ARHGEF17: variants seen among roughly 807,000 people sequenced by gnomAD.
The protein encoded by ARHGEF17 is Rho guanine nucleotide exchange factor 17.
ARHGEF17 carries 80 observed loss-of-function variants against 174.0 expected under a neutral mutation model. The ratio of observed to expected loss-of-function variants is 0.46; its 90% CI spans 0.38 to 0.55. The LOEUF is 0.55. Among genes scored for constraint, ARHGEF17 ranks in the 20% least tolerant of loss-of-function variants. ARHGEF17 has a pLI of 0.00. For synonymous variants in ARHGEF17, 1,311 were observed against 1,189.1 expected (o/e 1.10, Z -2.11); for missense variants, 2,886 against 2,839.7 (o/e 1.02, Z -0.37).
At chr11:73,317,088 T>A (rs1178154117) in intron 1 of ARHGEF17, among the ~76,000 whole-genome samples, 1 of 151,964 alleles carries the variant, frequency 6.6e-6, no homozygotes, top group Admixed American at 6.5e-5. Context: ...GTTTGAAAAG[T>A]CCCCAGGGTG....
chr11:73,366,877 T>TA (rs1224931107), intron 20 of ARHGEF17, among the ~76,000 whole-genome samples: 4 of 151,982 alleles, frequency 2.6e-5, no homozygotes, highest in Non-Finnish European at 4.4e-5. Flanking sequence ...CCATCTCTAC[T>TA]AAAAATACAA....
In ARHGEF17 at chr11:73,360,531, T is replaced by C; in HGVS notation, c.4418T>C (p.Leu1473Pro). ...GCCTTCGATGAGGCCAAGAGGAAGC[T>C]GGGTAAGCCAAGGCACATGTTGGCC... The part of the protein sequence containing the change: ...EQAFDEAKRK[L>P]ASSKSCLDPE... The change falls in exon 11 of 21, where the codon CTG (leucine) becomes CCG (proline). Residue 1473 changes from leucine to proline, a missense_variant and splice_region_variant. By Grantham distance (98) the Leu-to-Pro change is moderately conservative. Around this residue, in one of 4 missense-constraint regions of ARHGEF17, gnomAD observed 476 missense variants for 473.1 expected, o/e 1.01. Coordinates refer to ENST00000263674, the MANE Select transcript of ARHGEF17 (RefSeq NM_014786.4). 1 of 1,613,796 alleles carries C rather than the reference T, an allele frequency of 6.2e-7. No homozygotes were observed. Among genetic ancestry groups the C allele is most frequent in the Non-Finnish European group, 8.5e-7 (1 of 1,180,040 alleles).
chr11:73,319,748 C>T (rs1864985913), intron 1 of ARHGEF17, among the ~76,000 whole-genome samples: 1 of 152,224 alleles, frequency 6.6e-6, no homozygotes, highest in Non-Finnish European at 1.5e-5. Context: ...ACGGGGAAAA[C>T]TTGGACACCA....
chr11:73,326,852 C>T (rs1188920347), intron 1 of ARHGEF17, among the ~76,000 whole-genome samples: 2 of 152,222 alleles, frequency 1.3e-5, no homozygotes, highest in Admixed American at 1.3e-4. Flanking sequence ...ATGTCTGCCC[C>T]CTGGACCACA....
chr11:73,333,579 G>A (rs966754700), intron 1 of ARHGEF17, among the ~76,000 whole-genome samples: 3 of 152,238 alleles, frequency 2.0e-5, no homozygotes, highest in Admixed American at 6.5e-5. Flanking sequence ...CTTGCCTGGT[G>A]TGATGGGAGG....
At chr11:73,333,534 T>A (rs1380033003) in intron 1 of ARHGEF17, among the ~76,000 whole-genome samples, 1 of 152,194 alleles carries the variant, frequency 6.6e-6, no homozygotes, top group African/African-American at 2.4e-5. Flanking sequence ...TGAACGGGCA[T>A]GGTCACTGCC....
Position 73,308,371 on chromosome 11 carries a change from T to TGCCCCTGGTCGCTCCAGCCGCGGC in ARHGEF17, c.-266_-243dup, listed in dbSNP as rs1329012204. The TGCCCCTGGTCGCTCCAGCCGCGGC allele has an allele frequency of 8.2e-6, 3 of 366,412 alleles. No individual in the cohort carries two copies. Among genetic ancestry groups the TGCCCCTGGTCGCTCCAGCCGCGGC allele is most frequent in the African/African-American group, 2.1e-5 (1 of 47,660 alleles). 22.7% of individuals were successfully genotyped at this position (366,412 alleles called of 1,614,324 possible). A position where few individuals can be genotyped will look rare whatever the true frequency, so the allele number is the denominator to read the frequency against. On this transcript the variant is annotated 5_prime_UTR_variant, in exon 1 of 21. Coordinates refer to ENST00000263674, the MANE Select transcript of ARHGEF17 (RefSeq NM_014786.4). Reference sequence around the variant, plus strand: ...GGATCCCGCCCAGGCGGTGCCGCGGTGCCCCTGGTCGCTCCAGCCGCGGCG... The same window carrying TGCCCCTGGTCGCTCCAGCCGCGGC: ...GGATCCCGCCCAGGCGGTGCCGCGGTGCCCCTGGTCGCTCCAGCCGCGGCGCCCCTGGTCGCTCCAGCCGCGGCG...
chr11:73,352,685 CTTGGTCT>C, intron 2 of ARHGEF17, 138 bp from the exon 3 acceptor site: 2 of 807,456 alleles, frequency 2.5e-6, no homozygotes, highest in Non-Finnish European at 2.0e-6. Flanking sequence ...TCCTGGAGCT[CTTGGTCT>C]CATGAGGGAG....
At chr11:73,334,826 C>A (rs924150155) in intron 1 of ARHGEF17, among the ~76,000 whole-genome samples, 1 of 152,112 alleles carries the variant, frequency 6.6e-6, no homozygotes, top group Non-Finnish European at 1.5e-5. Flanking sequence ...GGATAACTTC[C>A]GTTCCCACGA....
Position 73,367,870 on chromosome 11 carries a change from T to G in ARHGEF17, c.*90T>G. ...CCCACACGCAGACTTTGACCAGGAG[T>G]ATCCAGCCAGGGGCACACATGTGCC... On this transcript the variant is annotated 3_prime_UTR_variant, in exon 21 of 21. Coordinates refer to ENST00000263674, the MANE Select transcript of ARHGEF17 (RefSeq NM_014786.4). The G allele has an allele frequency of 7.2e-7, 1 of 1,387,272 alleles. No homozygotes were observed. The highest frequency in any genetic ancestry group is 9.8e-7 in the Non-Finnish European group (1 of 1,018,600). 85.9% of individuals were successfully genotyped at this position (1,387,272 alleles called of 1,614,324 possible).
chr11:73,364,076 G>T, intron 16 of ARHGEF17, 96 bp from the exon 17 acceptor site: 2 of 1,331,934 alleles, frequency 1.5e-6, no homozygotes, highest in South Asian at 1.3e-5. Flanking sequence ...GTGGCCTCTC[G>T]GGAGCCATAC....
chr11:73,339,986 G>A (rs1312672887), intron 1 of ARHGEF17, among the ~76,000 whole-genome samples: 1 of 152,130 alleles, frequency 6.6e-6, no homozygotes, highest in African/African-American at 2.4e-5. Flanking sequence ...ATACCCCAAA[G>A]GAGATAAAAT....
Position 73,363,233 on chromosome 11 carries a change from C to A in ARHGEF17, c.5024C>A (p.Ala1675Asp). 6.3e-7 allele frequency: 1 copy of A among 1,589,706 alleles called. No homozygotes were observed. Among genetic ancestry groups the A allele is most frequent in the Non-Finnish European group, 8.6e-7 (1 of 1,165,040 alleles). The change falls in exon 15 of 21, where the codon GCC becomes GAC. Residue 1675 changes from alanine to aspartate, a missense_variant. Physicochemically the swap from Ala to Asp is moderately radical, Grantham distance 126. This residue lies in a region of ARHGEF17 where 476 missense variants were observed against 473.1 expected (regional missense o/e 1.01). Coordinates refer to ENST00000263674, the MANE Select transcript of ARHGEF17 (RefSeq NM_014786.4). ...GAGGAGACCCCGAGTTCCAAGGAGG[C>A]CACGGCAGAGACCACCAGCTCAGAG... ...GNEETPSSKE[A>D]TAETTSSEEE...
In ARHGEF17 at chr11:73,360,330, A is replaced by G. The variant is rs373785646; in HGVS notation, c.4217A>G (p.Asp1406Gly). The stretch of plus-strand genomic sequence containing the variant: ...CCCTCTTCCCCACAGAGCCTGGACG[A>G]TGCACTGCGGGACCTCTCAGCTGCC... ...SLGFPHQSLD[D>G]ALRDLSAAMH... Residue 1406 changes from aspartate to glycine, a missense_variant, in exon 11 of 21, where the codon GAT becomes GGT. Coordinates refer to ENST00000263674, the MANE Select transcript of ARHGEF17 (RefSeq NM_014786.4). The G allele has an allele frequency of 6.2e-7, 1 of 1,613,548 alleles. No homozygotes were observed. Among genetic ancestry groups the G allele is most frequent in the Non-Finnish European group, 8.5e-7 (1 of 1,180,048 alleles).
Position 73,363,243 on chromosome 11 carries a change from G to C in ARHGEF17, c.5034G>C (p.Glu1678Asp). ...CGAGTTCCAAGGAGGCCACGGCAGA[G>C]ACCACCAGCTCAGAGGAGGAGCAGG... ...ETPSSKEATAETTSSEEEQEP... is the reference protein window; with the variant it reads ...ETPSSKEATADTTSSEEEQEP... The change falls in exon 15 of 21, where the codon GAG becomes GAC. Residue 1678 changes from glutamate to aspartate, a missense_variant. Coordinates refer to ENST00000263674, the MANE Select transcript of ARHGEF17 (RefSeq NM_014786.4). 6.3e-7 allele frequency: 1 copy of C among 1,597,864 alleles called. No individual in the cohort carries two copies. Among genetic ancestry groups the C allele is most frequent in the Non-Finnish European group, 8.6e-7 (1 of 1,169,390 alleles).
Position 73,367,614 on chromosome 11 carries a change from G to A in ARHGEF17, c.6026G>A (p.Arg2009Gln), listed in dbSNP as rs764725256. The A allele has an allele frequency of 3.3e-5, 54 of 1,613,370 alleles. 1 individual carries two copies. The highest frequency in any genetic ancestry group is 3.2e-4 in the South Asian group (29 of 91,046). The change falls in exon 21 of 21, where the codon CGG becomes CAG. Residue 2009 changes from arginine to glutamine, a missense_variant. Transcript: ENST00000263674. ...GAGAAGCTGCCATCACTGGAGCACC[G>A]GGACTCCCCTTGGCACCGAGGCCCC... ...GPEKLPSLEH[R>Q]DSPWHRGPAP...
rs748073026 is a variant in ARHGEF17 at position 73,346,970 on chromosome 11, G to A, written c.3270+10G>A. 14 of 1,588,120 alleles carry A rather than the reference G, an allele frequency of 8.8e-6. No homozygotes were observed. Among genetic ancestry groups the A allele is most frequent in the Admixed American group, 1.7e-5 (1 of 57,832 alleles). ...GCGCACCCTGATGCAGGTGGGGCTC[G>A]GGGCCCACTCCCCTGAGAATGGCCT... On this transcript the variant is annotated intron_variant, in intron 2 of 20. Coordinates refer to ENST00000263674, the MANE Select transcript of ARHGEF17 (RefSeq NM_014786.4).
At chr11:73,351,443 A>G (rs1488474964) in intron 2 of ARHGEF17, among the ~76,000 whole-genome samples, 2 of 152,072 alleles carry the variant, frequency 1.3e-5, no homozygotes, top group African/African-American at 4.8e-5. Context: ...CGTAGATTTG[A>G]CGTAAAATAA....
chr11:73,309,758 A>G lies in ARHGEF17; in HGVS notation c.1120A>G (p.Lys374Glu). 6.2e-7 allele frequency: 1 copy of G among 1,612,892 alleles called. No homozygotes were observed. Among genetic ancestry groups the G allele is most frequent in the Non-Finnish European group, 8.5e-7 (1 of 1,179,858 alleles). The change falls in exon 1 of 21, where the codon AAG becomes GAG. Residue 374 changes from lysine to glutamate, a missense_variant. This residue lies in a region of ARHGEF17 where 1,728 missense variants were observed against 1,461.2 expected (regional missense o/e 1.18). Transcript: ENST00000263674. ...TGTGGGAGGAGCTTTCCGTGTGGCC[A>G]AGGTGAGCTTTCCCTCGTACCTGGC... ...DSVGGAFRVA[K>E]VSFPSYLASP... is the part of the protein sequence containing the mutation.
Sources: allele counts gnomAD v4.1 joint callset (sites outside exome capture counted in the v4.1 genomes callset), GRCh38; gene constraint gnomAD v4.1.1; regional missense constraint gnomAD v4.1.1; transcripts MANE v1.5; gene names NCBI Gene and HGNC (gene_info 2026-07-23, HGNC 2026-07-21).